The following ARHGAP24 variants were observed in gnomAD, a reference collection of about 807,000 sequenced individuals.
The protein encoded by ARHGAP24 is rho GTPase-activating protein 24.
Under a neutral mutation model 76.4 loss-of-function variants are expected in ARHGAP24, and 50 were observed. That is an observed-to-expected ratio of 0.65 (90% CI 0.52 to 0.83). The LOEUF (loss-of-function observed/expected upper bound fraction) is 0.83, where lower values mean the gene tolerates loss of function less well. Ranked by LOEUF, ARHGAP24 falls within the 40% of genes least tolerant of loss-of-function variation. The probability of loss-of-function intolerance (pLI) is 0.00; values close to 1 mark genes in which losing one functional copy is unlikely to be tolerated. For synonymous variants in ARHGAP24, 345 were observed against 323.3 expected (o/e 1.07, Z -0.72); for missense variants, 930 against 914.2 (o/e 1.02, Z -0.22).
chr4:85,827,456 C>G (rs1729770541), intron 3 of ARHGAP24, among the ~76,000 whole-genome samples: 1 of 93,698 alleles, frequency 1.1e-5, no homozygotes, highest in South Asian at 3.5e-4. Context: ...ACACTGAAGT[C>G]TGCCCGTGTG....
At chr4:85,982,200 A>T (rs1232160670) in intron 8 of ARHGAP24, among the ~76,000 whole-genome samples, 1 of 151,756 alleles carries the variant, frequency 6.6e-6, no homozygotes, top group Non-Finnish European at 1.5e-5. Context: ...TGTTGTTGTT[A>T]TTCTTTAAAC....
At chr4:85,568,853 A>C (rs1726956556) in intron 1 of ARHGAP24, among the ~76,000 whole-genome samples, 1 of 152,210 alleles carries the variant, frequency 6.6e-6, no homozygotes, top group Non-Finnish European at 1.5e-5. Context: ...AGAGGTGAAG[A>C]TTAAGGCAAG....
intron 2 of ARHGAP24, among the ~76,000 whole-genome samples, chr4:85,577,961 G>A (rs1220937871): frequency 6.6e-6 from 1 of 152,114 alleles, no homozygotes. Flanking sequence ...AGAAAGCAGA[G>A]GCAAGTTTGT....
chr4:85,652,193 T>C (rs1470110582), intron 2 of ARHGAP24, among the ~76,000 whole-genome samples: 2 of 152,166 alleles, frequency 1.3e-5, no homozygotes, highest in East Asian at 3.8e-4. Flanking sequence ...AATAAGATAA[T>C]GGGTGATCAG....
At chr4:85,661,493 T>A (rs369447255) in intron 2 of ARHGAP24, among the ~76,000 whole-genome samples, 170 of 152,306 alleles carry the variant, frequency 1.1e-3, no homozygotes, top group African/African-American at 4.0e-3. Context: ...TTATTTAAGT[T>A]AACAAATGTA....
chr4:85,629,593 T>G (rs1225832130), intron 2 of ARHGAP24, among the ~76,000 whole-genome samples: 1 of 152,164 alleles, frequency 6.6e-6, no homozygotes, highest in East Asian at 1.9e-4. Context: ...CTCTCCTTTG[T>G]TTCTGATGGA....
In ARHGAP24 at chr4:85,732,679, C is replaced by T. The variant is rs1227655482; in HGVS notation, c.268+10707C>T. Reference sequence around the variant, plus strand: ...ATATTTCAAACATAGGATTAATAAACAAAAATTCAAACTTCTTTTTTTTTT... The same window carrying T: ...ATATTTCAAACATAGGATTAATAAATAAAAATTCAAACTTCTTTTTTTTTT... On this transcript the variant is annotated intron_variant, in intron 3 of 9. Transcript: ENST00000395184. Among the ~76,000 whole-genome samples the T allele has an allele frequency of 5.6e-5, 8 of 142,458 alleles. No homozygotes were observed. The Admixed American group carries it at 6.0e-4, about 11-fold the overall frequency. 93.5% of individuals were successfully genotyped at this position (142,458 alleles called of 152,430 possible).
chr4:85,789,240 A>G (rs1578230310), intron 3 of ARHGAP24, among the ~76,000 whole-genome samples: 1 of 146,048 alleles, frequency 6.8e-6, no homozygotes, highest in Non-Finnish European at 1.5e-5. Flanking sequence ...AAAAAAAAAG[A>G]TGGGATTTTG....
chr4:85,721,771 G>A, intron 2 of ARHGAP24, 114 bp from the exon 3 acceptor site: 1 of 848,054 alleles, frequency 1.2e-6, no homozygotes. Context: ...AGATTCTGAT[G>A]CATCTTACTG....
intron 3 of ARHGAP24, among the ~76,000 whole-genome samples, chr4:85,747,793 A>AT (rs1251442229): frequency 6.6e-6 from 1 of 152,214 alleles, no homozygotes; most frequent in African/African-American, 2.4e-5. Context: ...ATAATTTGTA[A>AT]TTTTTTAAAA....
intron 7 of ARHGAP24, chr4:85,975,401 AGT>A (rs780114084): frequency 4.3e-5 from 7 of 161,528 alleles, no homozygotes; most frequent in Non-Finnish European, 6.8e-5. Flanking sequence ...TATTTCACAT[AGT>A]TGTTTTAAAA....
At chr4:85,786,438 T>C (rs1475083266) in intron 3 of ARHGAP24, among the ~76,000 whole-genome samples, 1 of 152,200 alleles carries the variant, frequency 6.6e-6, no homozygotes, top group Non-Finnish European at 1.5e-5. Flanking sequence ...TTTCTTGACT[T>C]TGAACTTCTG....
At chr4:85,485,021 G>A (rs1405684704) in intron 1 of ARHGAP24, among the ~76,000 whole-genome samples, 1 of 151,958 alleles carries the variant, frequency 6.6e-6, no homozygotes, top group Admixed American at 6.6e-5. Context: ...AGACTTGAAG[G>A]TGTTCTTTTT....
intron 2 of ARHGAP24, among the ~76,000 whole-genome samples, chr4:85,711,052 A>G (rs1724508716): frequency 1.3e-5 from 2 of 152,238 alleles, no homozygotes; most frequent in Admixed American, 6.5e-5. Flanking sequence ...ATACCATGGA[A>G]TACTATGCAG....
intron 3 of ARHGAP24, among the ~76,000 whole-genome samples, chr4:85,818,067 A>C (rs1729316361): frequency 6.6e-6 from 1 of 152,240 alleles, no homozygotes; most frequent in African/African-American, 2.4e-5. Flanking sequence ...TTTAAATGAC[A>C]TTATATCAAG....
At chr4:85,753,719 A>G (rs1195244288) in intron 3 of ARHGAP24, among the ~76,000 whole-genome samples, 1 of 152,132 alleles carries the variant, frequency 6.6e-6, no homozygotes, top group Non-Finnish European at 1.5e-5. Flanking sequence ...CTGTATAGCA[A>G]TAGTTTTTTC....
chr4:85,997,005 A>T (rs1484297766), intron 9 of ARHGAP24, among the ~76,000 whole-genome samples: 1 of 152,128 alleles, frequency 6.6e-6, no homozygotes, highest in Admixed American at 6.5e-5. Context: ...TATTTCAGAG[A>T]TTTTGATAAA....
At chr4:85,580,166 G>GAA (rs956828454) in intron 2 of ARHGAP24, among the ~76,000 whole-genome samples, 2 of 151,848 alleles carry the variant, frequency 1.3e-5, no homozygotes. Flanking sequence ...GAGAGAGAGA[G>GAA]AGAGAGAGAG....
chr4:85,664,954 A>T (rs577146383), intron 2 of ARHGAP24, among the ~76,000 whole-genome samples: 93 of 152,176 alleles, frequency 6.1e-4, no homozygotes, highest in African/African-American at 2.2e-3. Flanking sequence ...ATTTTGGAAT[A>T]GGTGTGGTAT....
Sources: allele counts gnomAD v4.1 joint callset (sites outside exome capture counted in the v4.1 genomes callset), GRCh38; gene constraint gnomAD v4.1.1; transcripts MANE v1.5; gene names NCBI Gene and HGNC (gene_info 2026-07-23, HGNC 2026-07-21).